Variants in DCAF6 observed in about 807,000 individuals in gnomAD.
DCAF6 encodes DDB1- and CUL4-associated factor 6.
Under a neutral mutation model 125.1 loss-of-function variants are expected in DCAF6, and 54 were observed. The ratio of observed to expected loss-of-function variants is 0.43; its 90% CI spans 0.35 to 0.54. The LOEUF (loss-of-function observed/expected upper bound fraction) is 0.54. DCAF6 is among the 20% of genes least tolerant of loss of function. The pLI is 0.01. For synonymous variants in DCAF6, 371 were observed against 390.4 expected (o/e 0.95, Z 0.58); for missense variants, 934 against 1,161.7 (o/e 0.80, Z 2.85).
At chr1:167,957,121 G>A (rs1013063309) in intron 2 of DCAF6, among the ~76,000 whole-genome samples, 3 of 151,764 alleles carry the variant, frequency 2.0e-5, no homozygotes. Context: ...TAATTTAGAT[G>A]TGCTCACATA....
At chr1:168,053,071 C>T (rs1290826392) in intron 17 of DCAF6, among the ~76,000 whole-genome samples, 2 of 152,184 alleles carry the variant, frequency 1.3e-5, no homozygotes, top group Non-Finnish European at 2.9e-5. Flanking sequence ...TTTACATACT[C>T]TGAGCCCTCT....
At chr1:167,938,925 C>T (rs572777233) in intron 1 of DCAF6, among the ~76,000 whole-genome samples, 3 of 152,148 alleles carry the variant, frequency 2.0e-5, no homozygotes, top group East Asian at 1.9e-4. Context: ...ATTAGAAAGC[C>T]TGAATTACAG....
chr1:167,945,795 C>T (rs1371769158), intron 1 of DCAF6, among the ~76,000 whole-genome samples: 2 of 148,436 alleles, frequency 1.3e-5, no homozygotes, highest in African/African-American at 2.5e-5. Flanking sequence ...CCACCACACC[C>T]GGCCTTTTTT....
the DCAF6 span, among the ~76,000 whole-genome samples, chr1:167,865,299 T>A: frequency 1.3e-5 from 2 of 152,156 alleles, no homozygotes; most frequent in Non-Finnish European, 2.9e-5. Context: ...TAAAAAAAAA[T>A]TCTGTGTGTA....
In DCAF6 at chr1:168,055,724, T is replaced by G. The variant is rs562376720; in HGVS notation, c.2300+4791T>G. On this transcript the variant is annotated intron_variant, in intron 17 of 21. Coordinates refer to ENST00000367840, the MANE Select transcript of DCAF6 (RefSeq NM_001198956.2). Reference sequence around the variant, plus strand: ...GTGAAAAAGACGCATATTATATTTATCTATAATCATTAGAAAGTTAAAGGG... The same window carrying G: ...GTGAAAAAGACGCATATTATATTTAGCTATAATCATTAGAAAGTTAAAGGG... Among the ~76,000 whole-genome samples, 411 of 88,678 alleles carry G rather than the reference T, an allele frequency of 4.6e-3. 3 individuals are homozygous for G. Among genetic ancestry groups the G allele is most frequent in the African/African-American group, 0.027 (393 of 14,294 alleles). 58.2% of individuals were successfully genotyped at this position (88,678 alleles called of 152,430 possible).
chr1:167,899,072 G>A, the DCAF6 span, among the ~76,000 whole-genome samples: 1 of 152,170 alleles, frequency 6.6e-6, no homozygotes, highest in Non-Finnish European at 1.5e-5. Flanking sequence ...TAAAGAAAGT[G>A]AGGGTCAATG....
chr1:167,888,706 C>T, the DCAF6 span, among the ~76,000 whole-genome samples: 1 of 151,822 alleles, frequency 6.6e-6, no homozygotes, highest in Admixed American at 6.6e-5. Context: ...GAAACCTCGT[C>T]TCTATTAAAA....
intron 3 of DCAF6, among the ~76,000 whole-genome samples, chr1:167,973,601 C>A (rs1677679368): frequency 6.6e-6 from 1 of 152,050 alleles, no homozygotes; most frequent in Non-Finnish European, 1.5e-5. Flanking sequence ...TTTTTTAATT[C>A]AGTGTTTTAT....
At chr1:167,947,590 T>C (rs1673269318) in intron 1 of DCAF6, among the ~76,000 whole-genome samples, 1 of 152,204 alleles carries the variant, frequency 6.6e-6, no homozygotes, top group Admixed American at 6.5e-5. Flanking sequence ...TCAAAAACAT[T>C]TTTTTAAATT....
chr1:168,000,904 TATATA>T (rs758152890), intron 7 of DCAF6, among the ~76,000 whole-genome samples: 7 of 152,100 alleles, frequency 4.6e-5, no homozygotes, highest in Admixed American at 2.0e-4. Flanking sequence ...GGTCTGGAAT[TATATA>T]ATGATGACGG....
chr1:167,917,151 C>T, the DCAF6 span: 1 of 152,246 alleles, frequency 6.6e-6, no homozygotes, highest in African/African-American at 2.4e-5. Context: ...CTGCACTCCA[C>T]ACTGAAAGTC....
At chr1:167,883,519 G>A in the DCAF6 span, 5 of 1,614,182 alleles carry the variant, frequency 3.1e-6, no homozygotes, top group Admixed American at 3.3e-5. Flanking sequence ...ATCCTGGATG[G>A]CTGGGCCTAT....
chr1:167,885,777 G>A, the DCAF6 span, among the ~76,000 whole-genome samples: 1 of 152,048 alleles, frequency 6.6e-6, no homozygotes, highest in African/African-American at 2.4e-5. Context: ...ACTACGCCCA[G>A]CTAATTTTTT....
the DCAF6 span, among the ~76,000 whole-genome samples, chr1:167,884,440 AG>A: frequency 6.6e-6 from 1 of 152,156 alleles, no homozygotes; most frequent in Admixed American, 6.5e-5. Context: ...ACCTCCTACC[AG>A]TCCCCTCCAC....
intron 16 of DCAF6, among the ~76,000 whole-genome samples, chr1:168,046,387 A>G (rs537469880): frequency 6.6e-6 from 1 of 152,290 alleles, no homozygotes; most frequent in East Asian, 1.9e-4. Flanking sequence ...AGGGATAAAG[A>G]CTGAAAGAAG....
At chr1:168,020,370 G>A (rs1176076568) in intron 11 of DCAF6, among the ~76,000 whole-genome samples, 1 of 152,180 alleles carries the variant, frequency 6.6e-6, no homozygotes, top group African/African-American at 2.4e-5. Flanking sequence ...GACTATAATT[G>A]TCTATTTTTT....
At chr1:167,875,199 A>G in the DCAF6 span, 1 of 1,613,548 alleles carries the variant, frequency 6.2e-7, no homozygotes, top group South Asian at 1.1e-5. Context: ...GAAGAGAAGA[A>G]CAAAAGAACA....
intron 7 of DCAF6, among the ~76,000 whole-genome samples, chr1:167,997,834 A>G (rs1304101525): frequency 6.6e-6 from 1 of 152,172 alleles, no homozygotes; most frequent in Non-Finnish European, 1.5e-5. Flanking sequence ...AAGGATTTGA[A>G]TATATAATAC....
In DCAF6 at chr1:168,068,441, T is replaced by C. The variant is rs1329507961; in HGVS notation, c.2769T>C (p.Ala923=). The C allele has an allele frequency of 1.3e-6, 2 of 1,548,052 alleles. No homozygotes were observed. Among genetic ancestry groups the C allele is most frequent in the Admixed American group, 1.9e-5 (1 of 53,312 alleles). ...VPASFMLRML[A]SLNHIRADRL... Reference sequence around the variant, plus strand: ...CCTCTTTCATGTTGAGGATGTTGGCTTCACTTAATCATATCCGAGCTGGTA... The same window carrying C: ...CCTCTTTCATGTTGAGGATGTTGGCCTCACTTAATCATATCCGAGCTGGTA... The change falls in exon 21 of 22, where the codon GCT becomes GCC. Residue 923 remains alanine (A), a synonymous_variant. Coordinates refer to ENST00000367840, the MANE Select transcript of DCAF6 (RefSeq NM_001198956.2).
Sources: gnomAD v4.1 joint callset for allele counts (sites outside exome capture counted in the v4.1 genomes callset) on GRCh38, gnomAD v4.1.1 for gene constraint, MANE v1.5 for transcripts, NCBI Gene and HGNC (gene_info 2026-07-23, HGNC 2026-07-21) for gene names.